The following CHN2 variants were observed in gnomAD, a reference collection of about 807,000 sequenced individuals.
The protein encoded by CHN2 is beta-chimaerin.
In CHN2, 35 loss-of-function variants were observed where a neutral mutation model predicts 56.3. The observed-to-expected ratio is 0.62, with a 90% CI of 0.47 to 0.82. CHN2 has a LOEUF of 0.82. CHN2 is among the 40% of genes least tolerant of loss of function. The pLI is 0.00. For synonymous variants in CHN2, 210 were observed against 212.8 expected, an observed-to-expected ratio of 0.99 and a Z score of 0.12; for missense variants, 491 against 580.5, an observed-to-expected ratio of 0.85 and a Z score of 1.58.
intron 11 of CHN2, among the ~76,000 whole-genome samples, chr7:29,508,257 G>A (rs1190326111): frequency 6.6e-6 from 1 of 151,726 alleles, no homozygotes; most frequent in Non-Finnish European, 1.5e-5. Flanking sequence ...AGGGAGAGAG[G>A]AATAGAGTGA....
chr7:29,398,412 T>G lies in CHN2; in HGVS notation c.216T>G (p.Leu72=). ...GIISREQADE[L]LGGVEGAYIL... ...TCTCTCGGGAGCAGGCGGATGAGCT[T>G]CTTGGAGGCGTGGAGGGTGCCTACA... The change falls in exon 5 of 13, where the codon CTT becomes CTG. Residue 72 remains leucine, a synonymous_variant. Coordinates refer to ENST00000222792, the MANE Select transcript of CHN2 (RefSeq NM_004067.4). The G allele has an allele frequency of 1.2e-6, 2 of 1,613,684 alleles. No homozygotes were observed. The highest frequency in any genetic ancestry group is 1.7e-6 in the Non-Finnish European group (2 of 1,180,008).
Position 29,304,502 on chromosome 7 carries a change from T to G in CHN2, c.50-50123T>G, listed in dbSNP as rs145627702. Among the ~76,000 whole-genome samples the G allele has an allele frequency of 1.1e-4, 16 of 152,358 alleles. No individual in the cohort carries two copies. In the South Asian group the frequency reaches 1.7e-3, roughly 16 times the overall value. ...TGTCCTAATGAATCTGCTTTGGAAC[T>G]CTAGCATTTCATATTTTAGGATAAA... is the stretch of plus-strand genomic sequence containing the variant. On this transcript the variant is annotated intron_variant, in intron 1 of 12. Coordinates refer to ENST00000222792, the MANE Select transcript of CHN2 (RefSeq NM_004067.4).
At chr7:29,462,366 C>G (rs1171302986) in intron 6 of CHN2, among the ~76,000 whole-genome samples, 1 of 152,210 alleles carries the variant, frequency 6.6e-6, no homozygotes, top group Non-Finnish European at 1.5e-5. Flanking sequence ...CTTACGGTTG[C>G]ATGTTCTGTT....
intron 3 of CHN2, among the ~76,000 whole-genome samples, chr7:29,392,975 C>G (rs540277656): frequency 3.3e-5 from 5 of 152,168 alleles, no homozygotes; most frequent in South Asian, 4.1e-4. Flanking sequence ...ACTTTCTCAC[C>G]AACTCCAACA....
intron 10 of CHN2, among the ~76,000 whole-genome samples, chr7:29,505,887 A>G (rs1457759684): frequency 6.6e-6 from 1 of 152,222 alleles, no homozygotes; most frequent in Non-Finnish European, 1.5e-5. Context: ...ACAGATTCCC[A>G]ATAACTGTTT....
intron 2 of CHN2, among the ~76,000 whole-genome samples, chr7:29,356,733 C>G (rs369168256): frequency 5.5e-4 from 84 of 152,312 alleles, no homozygotes; most frequent in African/African-American, 1.8e-3. Flanking sequence ...TCTCTAAGGG[C>G]CCTTCCAATC....
At chr7:29,275,833 G>A (rs192627031) in intron 1 of CHN2, among the ~76,000 whole-genome samples, 2 of 152,290 alleles carry the variant, frequency 1.3e-5, no homozygotes, top group East Asian at 3.9e-4. Context: ...CCAGAGGGAG[G>A]TGGAAAGGGA....
At chr7:29,195,044 C>T (rs1220234948) in intron 1 of CHN2, 54 bp downstream of exon 1, 20 of 1,547,248 alleles carry the variant, frequency 1.3e-5, no homozygotes, top group Admixed American at 7.3e-5. Context: ...CCCCACTGCC[C>T]TCGCCCCGCA....
intron 2 of CHN2, among the ~76,000 whole-genome samples, chr7:29,162,875 C>A (rs1237954899): frequency 6.6e-6 from 1 of 152,074 alleles, no homozygotes; most frequent in Non-Finnish European, 1.5e-5. Context: ...ATGGAACAGT[C>A]CTGTATGTTG....
At chr7:29,344,846 C>G (rs1356212273) in intron 1 of CHN2, among the ~76,000 whole-genome samples, 1 of 152,292 alleles carries the variant, frequency 6.6e-6, no homozygotes, top group African/African-American at 2.4e-5. Flanking sequence ...ATGCAGCCTT[C>G]CAAAGGCTGA....
intron 6 of CHN2, among the ~76,000 whole-genome samples, chr7:29,424,395 A>G (rs2128107970): frequency 6.6e-6 from 1 of 152,232 alleles, no homozygotes; most frequent in Non-Finnish European, 1.5e-5. Flanking sequence ...CATCTTCAGC[A>G]GTGATTTCAA....
rs552664240 is a variant in CHN2, at chr7:29,328,416, C to CT, written c.50-26205dup. Among the ~76,000 whole-genome samples, 1,257 of 152,130 alleles carry CT rather than the reference C, an allele frequency of 8.3e-3. 7 individuals are homozygous for CT. Among genetic ancestry groups the CT allele is most frequent in the Middle Eastern group, 0.017 (5 of 294 alleles). On this transcript the variant is annotated intron_variant, in intron 1 of 12. Transcript: ENST00000222792. Reference sequence around the variant, plus strand: ...AGATGAAGATATAACAAGAGCATTTCTTTTGAGAGTTTAACTTGGGCTGAA... The same window carrying CT: ...AGATGAAGATATAACAAGAGCATTTCTTTTTGAGAGTTTAACTTGGGCTGAA...
chr7:29,462,537 G>A (rs575456703), intron 6 of CHN2, among the ~76,000 whole-genome samples: 1 of 152,234 alleles, frequency 6.6e-6, no homozygotes, highest in Admixed American at 6.5e-5. Context: ...ACCTGAGCTG[G>A]GAAGACTCTC....
At chr7:29,252,897 C>G (rs1788755387) in intron 1 of CHN2, among the ~76,000 whole-genome samples, 1 of 152,042 alleles carries the variant, frequency 6.6e-6, no homozygotes, top group African/African-American at 2.4e-5. Flanking sequence ...GCCCGGCCCT[C>G]TAAAATTGCA....
At chr7:29,362,484 A>G (rs1798815177) in intron 2 of CHN2, among the ~76,000 whole-genome samples, 1 of 152,178 alleles carries the variant, frequency 6.6e-6, no homozygotes, top group Non-Finnish European at 1.5e-5. Context: ...AGAGTAGATC[A>G]TGGCTCCTGC....
intron 6 of CHN2, among the ~76,000 whole-genome samples, chr7:29,442,645 T>C (rs1783726095): frequency 6.6e-6 from 1 of 152,176 alleles, no homozygotes. Flanking sequence ...CCTGGTGGAT[T>C]TCTGCCATTA....
chr7:29,428,075 C>T (rs978169765), intron 6 of CHN2, among the ~76,000 whole-genome samples: 15 of 152,154 alleles, frequency 9.9e-5, no homozygotes, highest in South Asian at 2.1e-4. Flanking sequence ...GAAGCACAAA[C>T]TCTGGAGCTA....
At chr7:29,358,526 TATCTCAGCTCACTGCA>T (rs1287575242) in intron 2 of CHN2, among the ~76,000 whole-genome samples, 4 of 152,162 alleles carry the variant, frequency 2.6e-5, no homozygotes, top group African/African-American at 9.7e-5. Flanking sequence ...GCGGTGGTGC[TATCTCAGCTCACTGCA>T]AGCCCCGCCT....
At chr7:29,441,296 A>G (rs1035638273) in intron 6 of CHN2, among the ~76,000 whole-genome samples, 2 of 152,246 alleles carry the variant, frequency 1.3e-5, no homozygotes, top group Non-Finnish European at 2.9e-5. Context: ...CACACCATCT[A>G]CATGAACTAA....
Sources: allele counts gnomAD v4.1 joint callset (sites outside exome capture counted in the v4.1 genomes callset), GRCh38; gene constraint gnomAD v4.1.1; transcripts MANE v1.5; gene names NCBI Gene and HGNC (gene_info 2026-07-23, HGNC 2026-07-21).